Variants in PDZRN4 observed in about 807,000 individuals in gnomAD.
PDZRN4 encodes the protein PDZ domain-containing RING finger protein 4.
In PDZRN4, 70 loss-of-function variants were observed where a neutral mutation model predicts 99.0. The ratio of observed to expected loss-of-function variants is 0.71; its 90% CI spans 0.58 to 0.86. PDZRN4 has a LOEUF of 0.86. Ranked by LOEUF, PDZRN4 falls within the 40% of genes least tolerant of loss-of-function variation. The pLI is 0.00. For synonymous variants in PDZRN4, 551 were observed against 501.6 expected (o/e 1.10, Z -1.32); for missense variants, 1,474 against 1,331.2 (o/e 1.11, Z -1.67).
chr12:41,435,672 C>A (rs193151396), intron 3 of PDZRN4, among the ~76,000 whole-genome samples: 262 of 152,230 alleles, frequency 1.7e-3, no homozygotes, highest in Middle Eastern at 0.01. Context: ...CCTGTAATCC[C>A]AGCTACTCAG....
intron 5 of PDZRN4, among the ~76,000 whole-genome samples, chr12:41,522,252 C>A (rs1938504730): frequency 6.6e-6 from 1 of 151,700 alleles, no homozygotes; most frequent in Non-Finnish European, 1.5e-5. Context: ...GTCTGATAGA[C>A]AAAGAAATTA....
At chr12:41,424,422 A>G (rs1952517523) in intron 3 of PDZRN4, among the ~76,000 whole-genome samples, 1 of 152,188 alleles carries the variant, frequency 6.6e-6, no homozygotes, top group Admixed American at 6.6e-5. Context: ...GATGGTGTGT[A>G]GAGAAACTTA....
Position 41,194,157 on chromosome 12 carries a change from A to G in PDZRN4, c.812A>G (p.Asp271Gly), listed in dbSNP as rs778883514. The G allele has an allele frequency of 4.5e-6, 7 of 1,548,666 alleles. No homozygotes were observed. The East Asian group carries it at 1.3e-4, about 30-fold the overall frequency. ...GAAAATGGACCTGCTGACAGAGCAGATGGCCTGGAGATTCATGACAAAATC... is the reference window on the plus strand; with the variant it reads ...GAAAATGGACCTGCTGACAGAGCAGGTGGCCTGGAGATTCATGACAAAATC... ...ILENGPADRA[D>G]GLEIHDKIME... Residue 271 changes from aspartate to glycine, a missense_variant, in exon 3 of 10, where the codon GAT becomes GGT. Transcript: ENST00000402685.
chr12:41,193,420 T>C (rs558840996), intron 2 of PDZRN4, among the ~76,000 whole-genome samples: 89 of 152,348 alleles, frequency 5.8e-4, no homozygotes, highest in African/African-American at 2.0e-3. Context: ...TGTGACTGGC[T>C]AAAATGTCCT....
chr12:41,261,472 G>A (rs1244559744), intron 3 of PDZRN4, among the ~76,000 whole-genome samples: 1 of 151,476 alleles, frequency 6.6e-6, no homozygotes, highest in Non-Finnish European at 1.5e-5. Context: ...AGGCAAAGTA[G>A]TTCTATTTCT....
chr12:41,329,531 T>A (rs1951730279), intron 3 of PDZRN4, among the ~76,000 whole-genome samples: 1 of 152,148 alleles, frequency 6.6e-6, no homozygotes, highest in African/African-American at 2.4e-5. Flanking sequence ...CCCCTAATTA[T>A]GTTTTCAAGT....
chr12:41,399,798 A>G (rs1356016549), intron 3 of PDZRN4, among the ~76,000 whole-genome samples: 2 of 151,840 alleles, frequency 1.3e-5, no homozygotes, highest in African/African-American at 4.8e-5. Flanking sequence ...AACACAAGGG[A>G]AAAAAATTCC....
chr12:41,515,988 T>C (rs1433060568), intron 5 of PDZRN4, among the ~76,000 whole-genome samples: 1 of 152,018 alleles, frequency 6.6e-6, no homozygotes, highest in Admixed American at 6.6e-5. Flanking sequence ...AGCACAACAA[T>C]ACTCAGAGGA....
At chr12:41,326,294 G>C (rs1951709148) in intron 3 of PDZRN4, among the ~76,000 whole-genome samples, 1 of 151,876 alleles carries the variant, frequency 6.6e-6, no homozygotes, top group African/African-American at 2.4e-5. Context: ...AATGTTTCTT[G>C]ACCATAACCG....
chr12:41,468,662 T>TG (rs1952954195), intron 3 of PDZRN4, among the ~76,000 whole-genome samples: 1 of 119,872 alleles, frequency 8.3e-6, no homozygotes, highest in African/African-American at 2.6e-5. Flanking sequence ...TATGATTAAT[T>TG]TTTTTAACTT....
intron 3 of PDZRN4, among the ~76,000 whole-genome samples, chr12:41,395,627 T>G (rs1032350683): frequency 6.6e-6 from 1 of 152,190 alleles, no homozygotes; most frequent in Admixed American, 6.5e-5. Context: ...TTTTAAAATT[T>G]GGGTCTTTAG....
chr12:41,500,460 G>C (rs1938090110), intron 3 of PDZRN4, among the ~76,000 whole-genome samples: 2 of 152,068 alleles, frequency 1.3e-5, no homozygotes, highest in Admixed American at 1.3e-4. Context: ...GTCCAAAGCG[G>C]AACACTGGAC....
chr12:41,276,512 T>C (rs1951350902), intron 3 of PDZRN4, among the ~76,000 whole-genome samples: 1 of 152,144 alleles, frequency 6.6e-6, no homozygotes, highest in South Asian at 2.1e-4. Context: ...AATATATATT[T>C]CATATATTCA....
rs550753478 is a variant in PDZRN4, at chr12:41,473,161, AC to A, written c.844-33293del. The stretch of plus-strand genomic sequence containing the variant: ...TATATTTAACTGACCCTATGAAATC[AC>A]CATTTTTAGAGGTCAAAAAGTGATC... On this transcript the variant is annotated intron_variant, in intron 3 of 9. Coordinates refer to ENST00000402685, the MANE Select transcript of PDZRN4 (RefSeq NM_001164595.2). Among the ~76,000 whole-genome samples, 12 of 152,224 alleles carry A rather than the reference AC, an allele frequency of 7.9e-5. No individual in the cohort carries two copies. In the East Asian group the frequency reaches 2.1e-3, roughly 27 times the overall value.
At chr12:41,199,627 T>A (rs773502121) in intron 3 of PDZRN4, among the ~76,000 whole-genome samples, 1 of 152,078 alleles carries the variant, frequency 6.6e-6, no homozygotes, top group East Asian at 1.9e-4. Flanking sequence ...CAGTGAATGA[T>A]TGGATAAAGA....
intron 3 of PDZRN4, among the ~76,000 whole-genome samples, chr12:41,327,302 C>G (rs1592013615): frequency 1.3e-5 from 2 of 152,140 alleles, no homozygotes; most frequent in Non-Finnish European, 2.9e-5. Context: ...AGGGGACTTT[C>G]CTTTTGCAGT....
chr12:41,464,114 C>G (rs1243077979), intron 3 of PDZRN4, among the ~76,000 whole-genome samples: 1 of 152,114 alleles, frequency 6.6e-6, no homozygotes, highest in African/African-American at 2.4e-5. Context: ...GCTTTGTCCT[C>G]CACACTCTAT....
intron 3 of PDZRN4, among the ~76,000 whole-genome samples, chr12:41,378,613 C>T (rs1192372444): frequency 1.4e-5 from 2 of 146,968 alleles, no homozygotes; most frequent in Non-Finnish European, 3.0e-5. Context: ...ACATCTGCCT[C>T]CCAGGTTCAA....
chr12:41,468,228 C>T (rs1404178537), intron 3 of PDZRN4, among the ~76,000 whole-genome samples: 1 of 152,070 alleles, frequency 6.6e-6, no homozygotes, highest in South Asian at 2.1e-4. Context: ...TGAACATGAG[C>T]CATTGAATAT....
Sources: allele counts gnomAD v4.1 joint callset (sites outside exome capture counted in the v4.1 genomes callset), GRCh38; gene constraint gnomAD v4.1.1; transcripts MANE v1.5; gene names NCBI Gene and HGNC (gene_info 2026-07-23, HGNC 2026-07-21).